Variants in TMEM132C observed in about 807,000 individuals in gnomAD.
The protein encoded by TMEM132C is transmembrane protein 132C.
Under a neutral mutation model 61.4 loss-of-function variants are expected in TMEM132C, and 29 were observed. The ratio of observed to expected loss-of-function variants is 0.47; its 90% confidence interval spans 0.35 to 0.64. The LOEUF (loss-of-function observed/expected upper bound fraction) is 0.64. Ranked by LOEUF, TMEM132C falls within the 30% of genes least tolerant of loss-of-function variation. The pLI, the probability that TMEM132C is intolerant of heterozygous loss-of-function variation, is 0.00. For missense variants in TMEM132C, 1,408 were observed against 1,476.9 expected, an observed-to-expected ratio of 0.95 and a Z score of 0.76; for synonymous variants, 656 against 633.1, an observed-to-expected ratio of 1.04 and a Z score of -0.54.
chr12:128,573,838 T>G (rs1274458026), intron 3 of TMEM132C, among the ~76,000 whole-genome samples: 1 of 149,546 alleles, frequency 6.7e-6, no homozygotes, highest in Non-Finnish European at 1.5e-5. Context: ...CTTAAATGGT[T>G]AAATGGTAAA....
intron 3 of TMEM132C, among the ~76,000 whole-genome samples, chr12:128,602,902 A>C (rs1219668592): frequency 6.6e-6 from 1 of 152,244 alleles, no homozygotes; most frequent in Non-Finnish European, 1.5e-5. Flanking sequence ...CTTGGGAATG[A>C]GCAAGAGAAC....
chr12:128,530,355 G>A (rs1008603074), intron 2 of TMEM132C, among the ~76,000 whole-genome samples: 1 of 152,148 alleles, frequency 6.6e-6, no homozygotes, highest in African/African-American at 2.4e-5. Flanking sequence ...GCCAGATTCT[G>A]TGGTATGAAA....
chr12:128,308,305 T>G (rs1871849797), intron 1 of TMEM132C, among the ~76,000 whole-genome samples: 1 of 152,228 alleles, frequency 6.6e-6, no homozygotes, highest in African/African-American at 2.4e-5. Context: ...TTTAAAATTA[T>G]TATTATTTGT....
At chr12:128,586,354 GTA>G (rs1875549001) in intron 3 of TMEM132C, among the ~76,000 whole-genome samples, 1 of 27,152 alleles carries the variant, frequency 3.7e-5, no homozygotes, top group Admixed American at 2.8e-4. Flanking sequence ...GTGACTTATA[GTA>G]TAGGCATCTA....
intron 1 of TMEM132C, among the ~76,000 whole-genome samples, chr12:128,353,265 A>G: frequency 6.6e-6 from 1 of 152,184 alleles, no homozygotes; most frequent in East Asian, 1.9e-4. Flanking sequence ...TGAAAAGGGA[A>G]ACTTGAGCAA....
intron 2 of TMEM132C, among the ~76,000 whole-genome samples, chr12:128,458,178 ATC>A (rs1870409020): frequency 2.1e-5 from 3 of 143,372 alleles, no homozygotes. Flanking sequence ...TAATTAGAAT[ATC>A]TCATATTTAT....
chr12:128,544,064 C>T lies in TMEM132C; in HGVS notation c.1082C>T (p.Thr361Ile). ...AGCGGCGGAAAGCACGTGACGGCCA[C>T]CGTGGCCTGCCAGCGCCTGGGGCCC... is the stretch of plus-strand genomic sequence containing the variant. ...VGSGGKHVTATVACQRLGPSP... is the reference protein window; with the variant it reads ...VGSGGKHVTAIVACQRLGPSP... Residue 361 changes from threonine (T) to isoleucine (I), a missense_variant, in exon 3 of 9, where the codon ACC (threonine) becomes ATC (isoleucine). Thr to Ile is a moderately conservative substitution (Grantham distance 89, BLOSUM62 -1). Transcript: ENST00000435159. 1 of 1,544,728 alleles carries T rather than the reference C, an allele frequency of 6.5e-7. No homozygotes were observed. Among genetic ancestry groups the T allele is most frequent in the Non-Finnish European group, 8.7e-7 (1 of 1,143,722 alleles).
At chr12:128,382,146 C>T (rs1874421111) in intron 1 of TMEM132C, among the ~76,000 whole-genome samples, 2 of 152,120 alleles carry the variant, frequency 1.3e-5, no homozygotes, top group South Asian at 4.1e-4. Flanking sequence ...TTCAGCCTCT[C>T]CTTAGGCGAA....
intron 2 of TMEM132C, among the ~76,000 whole-genome samples, chr12:128,471,791 A>C (rs1393408372): frequency 1.3e-5 from 2 of 152,186 alleles, no homozygotes; most frequent in Non-Finnish European, 2.9e-5. Context: ...GATTGAATGA[A>C]TTGCTATCCC....
intron 4 of TMEM132C, among the ~76,000 whole-genome samples, chr12:128,623,578 A>G (rs1419700385): frequency 6.6e-6 from 1 of 151,886 alleles, no homozygotes; most frequent in African/African-American, 2.4e-5. Flanking sequence ...AGGCCAAGGC[A>G]GGCGGATTGC....
intron 1 of TMEM132C, among the ~76,000 whole-genome samples, chr12:128,397,796 T>C (rs780632506): frequency 2.0e-5 from 3 of 152,190 alleles, no homozygotes; most frequent in Non-Finnish European, 4.4e-5. Flanking sequence ...TCACCTGTCA[T>C]GTCATACGCC....
At chr12:128,600,075 C>T (rs1034939387) in intron 3 of TMEM132C, among the ~76,000 whole-genome samples, 8 of 152,078 alleles carry the variant, frequency 5.3e-5, no homozygotes, top group Admixed American at 1.3e-4. Flanking sequence ...CTCCGCCTCC[C>T]GGGTTCACGC....
At chr12:128,700,890 G>A (rs1954799105) in intron 8 of TMEM132C, among the ~76,000 whole-genome samples, 1 of 152,216 alleles carries the variant, frequency 6.6e-6, no homozygotes, top group Admixed American at 6.5e-5. Context: ...CTCAGAAGCT[G>A]AGCCTGAGAC....
At position 128,267,402 on chromosome 12, in the gene TMEM132C, G is replaced by A; in HGVS notation, c.-1G>A. 1.7e-6 allele frequency: 2 copies of A among 1,193,508 alleles called. No individual in the cohort carries two copies. The highest frequency in any genetic ancestry group is 3.9e-5 in the South Asian group (1 of 25,916). The allele number at this position is 1,193,508 out of a possible 1,614,324, so 73.9% of individuals were successfully genotyped here. A position where few individuals can be genotyped will look rare whatever the true frequency, so the allele number is the denominator to read the frequency against. Reference sequence around the variant, plus strand: ...GGCTGCGTGAGCGGCCGGGACGCAGGATGCGCTCCGAGGGTGCGGCCCCCG... The same window carrying A: ...GGCTGCGTGAGCGGCCGGGACGCAGAATGCGCTCCGAGGGTGCGGCCCCCG... On this transcript the variant is annotated 5_prime_UTR_variant, in exon 1 of 9. Coordinates refer to ENST00000435159, the MANE Select transcript of TMEM132C (RefSeq NM_001136103.3).
intron 2 of TMEM132C, among the ~76,000 whole-genome samples, chr12:128,465,163 A>T (rs989920038): frequency 4.7e-5 from 7 of 150,464 alleles, no homozygotes; most frequent in African/African-American, 1.5e-4. Context: ...AGACACCCAC[A>T]TAGATAAGCT....
chr12:128,310,665 A>C (rs1871938184), intron 1 of TMEM132C, among the ~76,000 whole-genome samples: 1 of 152,166 alleles, frequency 6.6e-6, no homozygotes, highest in Non-Finnish European at 1.5e-5. Flanking sequence ...ACCTCCCACC[A>C]GACCCCACCT....
At chr12:128,628,240 T>C (rs74895101) in intron 4 of TMEM132C, among the ~76,000 whole-genome samples, 5,212 of 152,066 alleles carry the variant, frequency 0.034, 307 homozygotes, top group African/African-American at 0.12. Flanking sequence ...ACCGGTCATC[T>C]CCTCCCTGCT....
intron 4 of TMEM132C, among the ~76,000 whole-genome samples, chr12:128,652,086 G>A (rs1954276557): frequency 6.6e-6 from 1 of 152,206 alleles, no homozygotes; most frequent in South Asian, 2.1e-4. Flanking sequence ...CGACAAGGAT[G>A]ACTCTCCTTT....
At chr12:128,672,380 AT>A (rs750221859) in intron 5 of TMEM132C, among the ~76,000 whole-genome samples, 12 of 152,184 alleles carry the variant, frequency 7.9e-5, no homozygotes, top group Non-Finnish European at 1.8e-4. Context: ...CTAGAGGTAA[AT>A]AACCTTTCAG....
Sources: gnomAD v4.1 joint callset for allele counts (sites outside exome capture counted in the v4.1 genomes callset) on GRCh38, gnomAD v4.1.1 for gene constraint, MANE v1.5 for transcripts, NCBI Gene and HGNC (gene_info 2026-07-23, HGNC 2026-07-21) for gene names.